NALF1: variants seen among roughly 807,000 people sequenced by gnomAD.
NALF1 encodes the protein NALCN channel auxiliary factor 1.
In NALF1, 3 loss-of-function variants were observed where a neutral mutation model predicts 48.4. The observed-to-expected ratio is 0.06, with a 90% CI of 0.03 to 0.16. The LOEUF is 0.16. Among genes scored for constraint, NALF1 ranks in the 10% least tolerant of loss-of-function variants. The pLI is 1.00. For missense variants in NALF1, 526 were observed against 571.5 expected (o/e 0.92, Z 0.81); for synonymous variants, 262 against 245.7 (o/e 1.07, Z -0.62).
intron 1 of NALF1, among the ~76,000 whole-genome samples, chr13:107,360,339 A>G (rs1299704432): frequency 6.6e-6 from 1 of 152,112 alleles, no homozygotes; most frequent in Non-Finnish European, 1.5e-5. Flanking sequence ...CAGACCCCAA[A>G]TTGTATTACT....
At chr13:107,490,271 C>T (rs757973712) in intron 1 of NALF1, among the ~76,000 whole-genome samples, 1 of 152,092 alleles carries the variant, frequency 6.6e-6, no homozygotes, top group African/African-American at 2.4e-5. Flanking sequence ...GACACACACT[C>T]GCATGTGTTC....
At chr13:107,292,540 C>T (rs1191937924) in intron 1 of NALF1, among the ~76,000 whole-genome samples, 3 of 151,934 alleles carry the variant, frequency 2.0e-5, no homozygotes, top group Non-Finnish European at 4.4e-5. Flanking sequence ...TATTTATACG[C>T]ACTAACCTAG....
chr13:107,652,350 A>G (rs1229647560), intron 1 of NALF1, among the ~76,000 whole-genome samples: 1 of 152,204 alleles, frequency 6.6e-6, no homozygotes, highest in African/African-American at 2.4e-5. Flanking sequence ...ACATATTTAA[A>G]TGTTATTATT....
chr13:107,848,318 T>C (rs1046075132), intron 1 of NALF1, among the ~76,000 whole-genome samples: 3 of 152,190 alleles, frequency 2.0e-5, no homozygotes, highest in African/African-American at 7.2e-5. Flanking sequence ...CGCATGAAAA[T>C]GTAACTTTTC....
chr13:107,844,664 G>A (rs185147120), intron 1 of NALF1, among the ~76,000 whole-genome samples: 1 of 152,154 alleles, frequency 6.6e-6, no homozygotes, highest in African/African-American at 2.4e-5. Flanking sequence ...TCCAACAACC[G>A]ATAGTTTGAC....
At chr13:107,839,594 A>G (rs1879991169) in intron 1 of NALF1, among the ~76,000 whole-genome samples, 1 of 151,832 alleles carries the variant, frequency 6.6e-6, no homozygotes, top group African/African-American at 2.4e-5. Context: ...AGAAAGTTCA[A>G]GAAACTTGCC....
chr13:107,493,560 G>T (rs931920147), intron 1 of NALF1, among the ~76,000 whole-genome samples: 1 of 152,026 alleles, frequency 6.6e-6, no homozygotes, highest in African/African-American at 2.4e-5. Context: ...GTTCTGAGGG[G>T]GTTGGAACAA....
chr13:107,308,254 T>A (rs1259775127), intron 1 of NALF1, among the ~76,000 whole-genome samples: 1 of 141,138 alleles, frequency 7.1e-6, no homozygotes, highest in Non-Finnish European at 1.5e-5. Context: ...CAGGCTGGAG[T>A]CCAGTGGCGT....
intron 1 of NALF1, among the ~76,000 whole-genome samples, chr13:107,825,604 AAAAT>A (rs1316166441): frequency 3.9e-5 from 6 of 152,248 alleles, no homozygotes; most frequent in East Asian, 3.8e-4. Flanking sequence ...GAAGATATGG[AAAAT>A]AAATAAATTC....
intron 1 of NALF1, among the ~76,000 whole-genome samples, chr13:107,411,697 A>G (rs1054078602): frequency 2.0e-5 from 3 of 152,182 alleles, no homozygotes; most frequent in Non-Finnish European, 2.9e-5. Context: ...AGGACATTCG[A>G]AAGAAAGAAC....
chr13:107,566,790 G>GTA (rs1166936628), intron 1 of NALF1, among the ~76,000 whole-genome samples: 2 of 152,162 alleles, frequency 1.3e-5, no homozygotes, highest in African/African-American at 4.8e-5. Context: ...AGAGCTGTGT[G>GTA]AACAGAGTGG....
chr13:107,268,431 C>G (rs1881088843), intron 1 of NALF1, among the ~76,000 whole-genome samples: 1 of 152,158 alleles, frequency 6.6e-6, no homozygotes, highest in Admixed American at 6.5e-5. Flanking sequence ...CACCCACACA[C>G]ACACACATAC....
At chr13:107,187,345 G>A (rs1226323338) in intron 2 of NALF1, among the ~76,000 whole-genome samples, 1 of 152,130 alleles carries the variant, frequency 6.6e-6, no homozygotes, top group Non-Finnish European at 1.5e-5. Context: ...CTTTTCTGTT[G>A]TGTCTTATTT....
chr13:107,771,867 G>T (rs999140479), intron 1 of NALF1, among the ~76,000 whole-genome samples: 1 of 152,102 alleles, frequency 6.6e-6, no homozygotes, highest in Non-Finnish European at 1.5e-5. Context: ...CTCTGGAGTA[G>T]TTGGGACTAC....
intron 1 of NALF1, among the ~76,000 whole-genome samples, chr13:107,498,723 A>AT (rs1334766837): frequency 6.6e-6 from 1 of 152,168 alleles, no homozygotes; most frequent in African/African-American, 2.4e-5. Context: ...AGGAGTTTGA[A>AT]TTTTATTCTT....
rs1012291144 is a variant in NALF1, at chr13:107,360,158, T to C, written c.916-149403A>G. 6.6e-5 allele frequency among the ~76,000 whole-genome samples: 10 copies of C among 152,298 alleles called. No homozygotes were observed. The East Asian group carries it at 7.7e-4, about 12-fold the overall frequency. ...AAGAGAAAATAAATGTAGGCACTTG[T>C]ATGCTTTTACAAGTAAATAAATTGC... On this transcript the variant is annotated intron_variant, in intron 1 of 2. Transcript: ENST00000375915.
At chr13:107,465,197 A>AT (rs1351850455) in intron 1 of NALF1, among the ~76,000 whole-genome samples, 1 of 151,988 alleles carries the variant, frequency 6.6e-6, no homozygotes, top group Middle Eastern at 3.4e-3. Flanking sequence ...TTCAATTTAG[A>AT]TTTTTTTAAT....
At chr13:107,712,592 C>T (rs1055527932) in intron 1 of NALF1, among the ~76,000 whole-genome samples, 4 of 152,178 alleles carry the variant, frequency 2.6e-5, no homozygotes, top group Admixed American at 6.5e-5. Context: ...TGCAGAAAAG[C>T]AGACCCATGA....
At chr13:107,233,664 TCTATCTGGCTCTG>T (rs1229301001) in intron 1 of NALF1, among the ~76,000 whole-genome samples, 2 of 152,212 alleles carry the variant, frequency 1.3e-5, no homozygotes, top group South Asian at 2.1e-4. Context: ...AAGGCTGATT[TCTATCTGGCTCTG>T]CTACATGTTA....
Sources: allele counts gnomAD v4.1 joint callset (sites outside exome capture counted in the v4.1 genomes callset), GRCh38; gene constraint gnomAD v4.1.1; transcripts MANE v1.5; gene names NCBI Gene and HGNC (gene_info 2026-07-23, HGNC 2026-07-21).